KLHL1: variants seen among roughly 807,000 people sequenced by gnomAD.
KLHL1 encodes the protein kelch-like protein 1.
Under a neutral mutation model 77.7 loss-of-function variants are expected in KLHL1, and 47 were observed. The observed-to-expected ratio is 0.60, with a 90% CI of 0.48 to 0.77. The LOEUF is 0.77. Among genes scored for constraint, KLHL1 ranks in the 30% least tolerant of loss-of-function variants. The pLI is 0.00. For missense variants in KLHL1, 925 were observed against 910.8 expected, an observed-to-expected ratio of 1.02 and a Z score of -0.20; for synonymous variants, 360 against 325.2, an observed-to-expected ratio of 1.11 and a Z score of -1.15.
At chr13:69,973,576 A>G (rs1471974683) in intron 2 of KLHL1, among the ~76,000 whole-genome samples, 1 of 151,804 alleles carries the variant, frequency 6.6e-6, no homozygotes, top group Non-Finnish European at 1.5e-5. Flanking sequence ...AAATATACTA[A>G]AAGTATTAAA....
chr13:69,817,588 A>T (rs1161808251), intron 6 of KLHL1, among the ~76,000 whole-genome samples: 1 of 152,184 alleles, frequency 6.6e-6, no homozygotes, highest in African/African-American at 2.4e-5. Flanking sequence ...TCATAGAAGT[A>T]ATTTAATTTT....
intron 7 of KLHL1, among the ~76,000 whole-genome samples, chr13:69,791,162 A>G (rs920134348): frequency 4.6e-5 from 7 of 152,050 alleles, no homozygotes; most frequent in African/African-American, 1.4e-4. Flanking sequence ...TACAAATACA[A>G]ACTGTATTTC....
At chr13:69,873,213 A>G (rs907461366) in intron 5 of KLHL1, among the ~76,000 whole-genome samples, 1 of 152,132 alleles carries the variant, frequency 6.6e-6, no homozygotes, top group African/African-American at 2.4e-5. Context: ...ATCCAAATAA[A>G]CAGACATATC....
chr13:70,070,661 A>G (rs1887117349), intron 1 of KLHL1, among the ~76,000 whole-genome samples: 1 of 152,144 alleles, frequency 6.6e-6, no homozygotes, highest in Non-Finnish European at 1.5e-5. Flanking sequence ...TCAGGCCTAC[A>G]TATAGAAAGG....
intron 1 of KLHL1, among the ~76,000 whole-genome samples, chr13:70,002,388 GAAGT>G (rs1013135414): frequency 1.3e-5 from 2 of 151,334 alleles, no homozygotes; most frequent in African/African-American, 4.8e-5. Flanking sequence ...GGAGTTGGCA[GAAGT>G]AAGGGCCAGG....
chr13:69,999,841 G>A (rs1176600962), intron 1 of KLHL1, among the ~76,000 whole-genome samples: 1 of 152,018 alleles, frequency 6.6e-6, no homozygotes, highest in Non-Finnish European at 1.5e-5. Context: ...ATTAACCCAG[G>A]TCACTGACCA....
At chr13:69,985,321 G>T (rs1308415092) in intron 1 of KLHL1, among the ~76,000 whole-genome samples, 1 of 151,918 alleles carries the variant, frequency 6.6e-6, no homozygotes, top group African/African-American at 2.4e-5. Flanking sequence ...ATAGGCAAAA[G>T]AACTTAATAG....
At chr13:69,938,187 G>C (rs908086216) in intron 4 of KLHL1, among the ~76,000 whole-genome samples, 1 of 151,880 alleles carries the variant, frequency 6.6e-6, no homozygotes, top group Non-Finnish European at 1.5e-5. Flanking sequence ...GGAACTGAAG[G>C]GACAATATAG....
chr13:69,795,165 T>C (rs1475645655), intron 7 of KLHL1, among the ~76,000 whole-genome samples: 1 of 152,204 alleles, frequency 6.6e-6, no homozygotes, highest in African/African-American at 2.4e-5. Flanking sequence ...TGACTGAACC[T>C]TTTATTGGCG....
At position 69,743,608 on chromosome 13, in the gene KLHL1, A is replaced by C. The variant is rs371699285; in HGVS notation, c.1640-3052T>G. Among the ~76,000 whole-genome samples, 48 of 152,180 alleles carry C rather than the reference A, an allele frequency of 3.2e-4. No individual in the cohort carries two copies. The South Asian group carries it at 9.9e-3, about 32-fold the overall frequency. ...GAGACCAGCCTGGCCAACAAGGCAA[A>C]AATCTCGTCTCTACTAAAAATACAA... On this transcript the variant is annotated intron_variant, in intron 7 of 10. Coordinates refer to ENST00000377844, the MANE Select transcript of KLHL1 (RefSeq NM_020866.3).
intron 4 of KLHL1, among the ~76,000 whole-genome samples, chr13:69,918,431 T>C (rs371251075): frequency 6.6e-6 from 1 of 152,004 alleles, no homozygotes; most frequent in Non-Finnish European, 1.5e-5. Context: ...AACTTTTATA[T>C]GCACTGTTTA....
chr13:69,815,839 A>T (rs1878097404), intron 6 of KLHL1, among the ~76,000 whole-genome samples: 1 of 152,338 alleles, frequency 6.6e-6, no homozygotes, highest in East Asian at 1.9e-4. Flanking sequence ...GTACATTTTA[A>T]TAAATATATA....
intron 5 of KLHL1, among the ~76,000 whole-genome samples, chr13:69,845,297 A>T (rs1879416352): frequency 6.6e-6 from 1 of 151,642 alleles, no homozygotes; most frequent in Admixed American, 6.6e-5. Context: ...TTGTTGTCTT[A>T]TAGGAATTCA....
chr13:69,872,894 T>G (rs761505606), intron 5 of KLHL1, among the ~76,000 whole-genome samples: 49 of 152,110 alleles, frequency 3.2e-4, no homozygotes, highest in Non-Finnish European at 6.0e-4. Flanking sequence ...CAAACATCTT[T>G]CATTAGGCCC....
intron 5 of KLHL1, among the ~76,000 whole-genome samples, chr13:69,845,904 T>A (rs537590955): frequency 6.6e-6 from 1 of 151,508 alleles, no homozygotes; most frequent in Non-Finnish European, 1.5e-5. Flanking sequence ...AAAAAATAGA[T>A]CTTAAAAAGT....
intron 4 of KLHL1, among the ~76,000 whole-genome samples, chr13:69,902,530 GA>G (rs773357067): frequency 2.0e-5 from 3 of 152,102 alleles, no homozygotes; most frequent in Non-Finnish European, 4.4e-5. Context: ...GAGAATTCTG[GA>G]TTAAGAAAAT....
intron 7 of KLHL1, among the ~76,000 whole-genome samples, chr13:69,754,784 T>C (rs1874637275): frequency 6.6e-6 from 1 of 152,196 alleles, no homozygotes; most frequent in African/African-American, 2.4e-5. Context: ...AGTCTTATTT[T>C]TGTTACATTT....
At chr13:69,735,945 A>G (rs916892243) in intron 8 of KLHL1, among the ~76,000 whole-genome samples, 10 of 152,178 alleles carry the variant, frequency 6.6e-5, no homozygotes, top group African/African-American at 2.4e-4. Flanking sequence ...GTGAATATGT[A>G]TTCATTGTAT....
intron 1 of KLHL1, among the ~76,000 whole-genome samples, chr13:70,093,054 T>C (rs2137444351): frequency 6.6e-6 from 1 of 152,304 alleles, no homozygotes; most frequent in South Asian, 2.1e-4. Flanking sequence ...ATAACATTAA[T>C]GACTTCCACT....
Sources: allele counts gnomAD v4.1 joint callset (sites outside exome capture counted in the v4.1 genomes callset), GRCh38; gene constraint gnomAD v4.1.1; transcripts MANE v1.5; gene names NCBI Gene and HGNC (gene_info 2026-07-23, HGNC 2026-07-21).